The following PTPN3 variants were observed in gnomAD, a reference collection of about 807,000 sequenced individuals.
PTPN3 encodes tyrosine-protein phosphatase non-receptor type 3.
In PTPN3, 96 loss-of-function variants were observed where a neutral mutation model predicts 132.7. The observed-to-expected ratio is 0.72, with a 90% confidence interval of 0.61 to 0.86. The LOEUF (loss-of-function observed/expected upper bound fraction) is 0.86. Among genes scored for constraint, PTPN3 ranks in the 40% least tolerant of loss-of-function variants. PTPN3 has a pLI of 0.00. For synonymous variants in PTPN3, 398 were observed against 429.0 expected (o/e 0.93, Z 0.89); for missense variants, 1,125 against 1,159.6 (o/e 0.97, Z 0.43).
intron 1 of PTPN3, among the ~76,000 whole-genome samples, chr9:109,488,009 T>A (rs1847288855): frequency 6.6e-6 from 1 of 152,014 alleles, no homozygotes; most frequent in Admixed American, 6.5e-5. Context: ...TCTGACACTG[T>A]GTGACATGCT....
At chr9:109,435,124 T>C (rs1174249185) in intron 9 of PTPN3, among the ~76,000 whole-genome samples, 1 of 152,136 alleles carries the variant, frequency 6.6e-6, no homozygotes, top group Non-Finnish European at 1.5e-5. Flanking sequence ...GAAATCAAAA[T>C]TGAGTGAACA....
chr9:109,436,924 G>A lies in PTPN3; in HGVS notation c.634C>T (p.Arg212Trp), dbSNP rs529250315. The A allele has an allele frequency of 1.9e-6, 3 of 1,614,040 alleles. No homozygotes were observed. Among genetic ancestry groups the A allele is most frequent in the Admixed American group, 1.7e-5 (1 of 60,022 alleles). ...TCTACTCCATAGAAGTCGAGGGTCCGCGCTATGTTGATATAGCAGGATTCT... is the reference window on the plus strand; with the variant it reads ...TCTACTCCATAGAAGTCGAGGGTCCACGCTATGTTGATATAGCAGGATTCT... ...EAESCYINIA[R>W]TLDFYGVELH... The change falls in exon 9 of 26, where the codon CGG becomes TGG. Residue 212 changes from arginine (R) to tryptophan (W), a missense_variant. Coordinates refer to ENST00000374541, the MANE Select transcript of PTPN3 (RefSeq NM_002829.4).
At chr9:109,485,639 G>T (rs1215271867) in intron 1 of PTPN3, among the ~76,000 whole-genome samples, 1 of 151,996 alleles carries the variant, frequency 6.6e-6, no homozygotes, top group African/African-American at 2.4e-5. Flanking sequence ...CCCCTTCCCC[G>T]CCCAGTCTTT....
Position 109,429,716 on chromosome 9 carries a change from G to A in PTPN3, c.765-1032C>T, listed in dbSNP as rs528962078. Among the ~76,000 whole-genome samples the A allele has an allele frequency of 1.1e-3, 163 of 148,500 alleles. 2 individuals are homozygous for A. Among genetic ancestry groups the A allele is most frequent in the South Asian group, 4.3e-4 (2 of 4,648 alleles). ...TGTGTGACAAGTCTGTGTAGATTTC[G>A]GTAACTACAAGTGGTCTTGGAACCA... On this transcript the variant is annotated intron_variant, in intron 10 of 25. Transcript: ENST00000374541.
chr9:109,477,853 G>A (rs892324491), intron 1 of PTPN3, among the ~76,000 whole-genome samples: 27 of 152,136 alleles, frequency 1.8e-4, no homozygotes, highest in Admixed American at 7.2e-4. Context: ...GACTCCTTCC[G>A]GCCCATGGGA....
In PTPN3 at chr9:109,410,095, G is replaced by A. The variant is rs1157480588; in HGVS notation, c.1501-19C>T. 3.1e-6 allele frequency: 5 copies of A among 1,614,086 alleles called. No individual in the cohort carries two copies. The South Asian group carries it at 5.5e-5, about 18-fold the overall frequency. Reference sequence around the variant, plus strand: ...TATCATTCTGGAAAACGGTTTGAAAGTGGTCATTTGCATCACATCTCTCTC... The same window carrying A: ...TATCATTCTGGAAAACGGTTTGAAAATGGTCATTTGCATCACATCTCTCTC... On this transcript the variant is annotated intron_variant, in intron 15 of 25. Transcript: ENST00000374541.
the PTPN3 span, chr9:109,534,336 TGTG>T: frequency 1.2e-5 from 18 of 1,515,790 alleles, no homozygotes; most frequent in South Asian, 7.2e-5. Context: ...TGCTCAAGGT[TGTG>T]GTGATGGTGA....
At chr9:109,398,990 TG>T (rs1840831251) in intron 19 of PTPN3, among the ~76,000 whole-genome samples, 2 of 152,186 alleles carry the variant, frequency 1.3e-5, no homozygotes, top group South Asian at 4.2e-4. Context: ...CACCCTACCT[TG>T]GCTACACAAA....
chr9:109,430,973 T>C (rs1450506398), intron 10 of PTPN3, among the ~76,000 whole-genome samples: 2 of 152,214 alleles, frequency 1.3e-5, no homozygotes, highest in Non-Finnish European at 2.9e-5. Flanking sequence ...GTGAGTGCCT[T>C]ACCCTGCATG....
At position 109,438,411 on chromosome 9, in the gene PTPN3, C is replaced by G. The variant is rs180812814; in HGVS notation, c.467-177G>C. ...GCTCCAGATTCCACACTTATCTGAG[C>G]CTTCACTATAGGCTAAGATACTATC... On this transcript the variant is annotated intron_variant, in intron 7 of 25. Transcript: ENST00000374541. 2.6e-5 allele frequency among the ~76,000 whole-genome samples: 4 copies of G among 152,340 alleles called. No homozygotes were observed. The East Asian group carries it at 5.8e-4, about 22-fold the overall frequency.
At chr9:109,536,608 G>A in the PTPN3 span, among the ~76,000 whole-genome samples, 1 of 152,210 alleles carries the variant, frequency 6.6e-6, no homozygotes, top group Non-Finnish European at 1.5e-5. Flanking sequence ...ATAAATGTTT[G>A]TGGGATTGGA....
At chr9:109,447,383 G>A (rs1844935520) in intron 6 of PTPN3, among the ~76,000 whole-genome samples, 1 of 152,066 alleles carries the variant, frequency 6.6e-6, no homozygotes, top group South Asian at 2.1e-4. Flanking sequence ...GGACCCAGGA[G>A]AGGGGTCGGT....
chr9:109,481,644 A>G (rs1409267454), intron 1 of PTPN3, among the ~76,000 whole-genome samples: 1 of 152,136 alleles, frequency 6.6e-6, no homozygotes, highest in Non-Finnish European at 1.5e-5. Context: ...TTTCTCCTTA[A>G]ATGTAAGTTC....
At chr9:109,483,248 T>C (rs2132106047) in intron 1 of PTPN3, among the ~76,000 whole-genome samples, 1 of 152,294 alleles carries the variant, frequency 6.6e-6, no homozygotes, top group East Asian at 1.9e-4. Flanking sequence ...TCCTGGCAAT[T>C]TCACCAAAGG....
At chr9:109,473,441 C>T (rs540562656) in intron 1 of PTPN3, among the ~76,000 whole-genome samples, 2 of 152,270 alleles carry the variant, frequency 1.3e-5, no homozygotes, top group South Asian at 4.1e-4. Flanking sequence ...AGGTTCGACA[C>T]CATGACACTT....
In PTPN3 at chr9:109,384,888, G is replaced by C. The variant is rs1317649359; in HGVS notation, c.2254-1337C>G. On this transcript the variant is annotated intron_variant, in intron 22 of 25. Coordinates refer to ENST00000374541, the MANE Select transcript of PTPN3 (RefSeq NM_002829.4). The stretch of plus-strand genomic sequence containing the variant: ...AATTTACTTGGAAACCTTAAACATG[G>C]GTAATTTTGGTTAGTAGCCATTCTG... 3.3e-5 allele frequency among the ~76,000 whole-genome samples: 5 copies of C among 152,260 alleles called. No individual in the cohort carries two copies. In the East Asian group the frequency reaches 5.8e-4, roughly 18 times the overall value.
At chr9:109,434,655 A>G (rs573497593) in intron 9 of PTPN3, among the ~76,000 whole-genome samples, 22 of 152,300 alleles carry the variant, frequency 1.4e-4, no homozygotes, top group East Asian at 3.9e-4. Context: ...GTCAGTCACA[A>G]CTGAGTGTGA....
intron 1 of PTPN3, among the ~76,000 whole-genome samples, chr9:109,478,619 C>G (rs1846805660): frequency 6.6e-6 from 1 of 152,196 alleles, no homozygotes; most frequent in Admixed American, 6.5e-5. Flanking sequence ...GGCTGGGCCA[C>G]CACCTAGAGG....
At chr9:109,512,748 G>A in the PTPN3 span, among the ~76,000 whole-genome samples, 1 of 152,150 alleles carries the variant, frequency 6.6e-6, no homozygotes, top group South Asian at 2.1e-4. Context: ...CCTTAATCAG[G>A]GAGAGACAGG....
Sources: gnomAD v4.1 joint callset for allele counts (sites outside exome capture counted in the v4.1 genomes callset) on GRCh38, gnomAD v4.1.1 for gene constraint, MANE v1.5 for transcripts, NCBI Gene and HGNC (gene_info 2026-07-23, HGNC 2026-07-21) for gene names.